Variants in FOXJ3 observed in about 807,000 individuals in gnomAD.
FOXJ3 encodes forkhead box protein J3.
FOXJ3 carries 22 observed loss-of-function variants against 76.1 expected under a neutral mutation model. The ratio of observed to expected loss-of-function variants is 0.29; its 90% CI spans 0.21 to 0.41. The LOEUF is 0.41. FOXJ3 is among the 10% of genes least tolerant of loss of function. The pLI is 1.00. For synonymous variants in FOXJ3, 269 were observed against 261.2 expected (o/e 1.03, Z -0.29); for missense variants, 613 against 762.1 (o/e 0.80, Z 2.30).
At chr1:42,220,254 G>A (rs530700306) in intron 5 of FOXJ3, among the ~76,000 whole-genome samples, 9 of 152,192 alleles carry the variant, frequency 5.9e-5, no homozygotes, top group African/African-American at 9.6e-5. Flanking sequence ...TCAATTACAC[G>A]AAACAATACA....
intron 1 of FOXJ3, among the ~76,000 whole-genome samples, chr1:42,333,934 AACAC>A (rs1656308762): frequency 6.6e-6 from 1 of 152,182 alleles, no homozygotes; most frequent in African/African-American, 2.4e-5. Flanking sequence ...GAAGGAAGAA[AACAC>A]ACACAAATAA....
intron 2 of FOXJ3, among the ~76,000 whole-genome samples, chr1:42,303,077 C>T (rs1220357051): frequency 6.6e-6 from 1 of 151,860 alleles, no homozygotes; most frequent in Non-Finnish European, 1.5e-5. Context: ...TTATAGTACC[C>T]TCAATTAAGA....
chr1:42,276,363 A>G (rs945652209), intron 3 of FOXJ3, among the ~76,000 whole-genome samples: 3 of 152,086 alleles, frequency 2.0e-5, no homozygotes, highest in South Asian at 2.1e-4. Flanking sequence ...CTTAAAAAAA[A>G]GGGGGCGGGG....
intron 7 of FOXJ3, among the ~76,000 whole-genome samples, chr1:42,198,509 C>A (rs890564008): frequency 1.3e-5 from 2 of 152,100 alleles, no homozygotes; most frequent in African/African-American, 2.4e-5. Flanking sequence ...TGAGGAAGAC[C>A]AGTTGCCAGG....
chr1:42,274,887 G>A (rs549750180), intron 3 of FOXJ3, among the ~76,000 whole-genome samples: 17 of 151,318 alleles, frequency 1.1e-4, no homozygotes, highest in African/African-American at 3.1e-4. Flanking sequence ...AAAAGGCGGC[G>A]GGGGGGCAAA....
chr1:42,206,406 C>CT, intron 5 of FOXJ3, among the ~76,000 whole-genome samples: 1 of 152,228 alleles, frequency 6.6e-6, no homozygotes, highest in East Asian at 1.9e-4. Flanking sequence ...GGTGATCTTG[C>CT]TTAACCATAA....
At chr1:42,312,484 G>C (rs1291409161) in intron 1 of FOXJ3, among the ~76,000 whole-genome samples, 3 of 152,254 alleles carry the variant, frequency 2.0e-5, no homozygotes, top group Non-Finnish European at 2.9e-5. Context: ...ATACACTGAA[G>C]AGAGACGCAG....
intron 5 of FOXJ3, among the ~76,000 whole-genome samples, chr1:42,214,669 T>C (rs1647030443): frequency 6.6e-6 from 1 of 152,166 alleles, no homozygotes; most frequent in African/African-American, 2.4e-5. Context: ...TGTGGGTGAA[T>C]TTCCTGTTTT....
chr1:42,197,959 C>CT (rs556505637), intron 7 of FOXJ3, among the ~76,000 whole-genome samples: 20 of 148,842 alleles, frequency 1.3e-4, no homozygotes, highest in East Asian at 5.9e-4. Flanking sequence ...ATTGCTGTAC[C>CT]TTTTTTTTTT....
intron 6 of FOXJ3, among the ~76,000 whole-genome samples, chr1:42,201,873 T>A (rs1364010544): frequency 6.6e-6 from 1 of 152,196 alleles, no homozygotes; most frequent in African/African-American, 2.4e-5. Flanking sequence ...AAATATTTTT[T>A]AATTATGGGT....
chr1:42,282,135 C>G (rs1049055190), intron 2 of FOXJ3, among the ~76,000 whole-genome samples: 2 of 150,690 alleles, frequency 1.3e-5, no homozygotes, highest in Admixed American at 1.3e-4. Flanking sequence ...CACTTGTATA[C>G]GAGAACAGAT....
chr1:42,192,774 A>C (rs12409416), intron 8 of FOXJ3, among the ~76,000 whole-genome samples: 4,638 of 151,996 alleles, frequency 0.031, 85 homozygotes, highest in Middle Eastern at 0.061. Flanking sequence ...AAAAAAAAAA[A>C]CACAAGATAA....
intron 4 of FOXJ3, among the ~76,000 whole-genome samples, chr1:42,241,322 T>C (rs1338815091): frequency 6.6e-6 from 1 of 152,158 alleles, no homozygotes; most frequent in Non-Finnish European, 1.5e-5. Context: ...AGCATACTTG[T>C]ACACGCCTTG....
intron 4 of FOXJ3, among the ~76,000 whole-genome samples, chr1:42,242,561 A>G (rs1174728976): frequency 1.0e-5 from 1 of 98,392 alleles, no homozygotes; most frequent in Non-Finnish European, 2.3e-5. Context: ...ATAACTCAAT[A>G]AGACCAAAAA....
chr1:42,240,136 A>T (rs987400768), intron 4 of FOXJ3, among the ~76,000 whole-genome samples: 2 of 152,174 alleles, frequency 1.3e-5, no homozygotes, highest in African/African-American at 4.8e-5. Flanking sequence ...TTTGATATAT[A>T]TTTTGCTTAA....
intron 4 of FOXJ3, among the ~76,000 whole-genome samples, chr1:42,237,427 T>TATATATATATATATAC (rs1166082659): frequency 1.1e-3 from 147 of 129,906 alleles, no homozygotes; most frequent in Middle Eastern, 4.0e-3. Context: ...TATATATATA[T>TATATATATATATATAC]ACATACATAC....
intron 1 of FOXJ3, among the ~76,000 whole-genome samples, chr1:42,334,628 C>T (rs1656359528): frequency 6.6e-6 from 1 of 152,242 alleles, no homozygotes; most frequent in South Asian, 2.1e-4. Context: ...GGCAGAAAAG[C>T]GCCCCCAAGC....
intron 2 of FOXJ3, among the ~76,000 whole-genome samples, chr1:42,287,160 GA>G (rs1653112155): frequency 6.6e-6 from 1 of 151,550 alleles, no homozygotes; most frequent in Non-Finnish European, 1.5e-5. Context: ...CCAACATGGT[GA>G]AACCCGATCT....
chr1:42,289,224 T>G (rs562894019), intron 2 of FOXJ3, among the ~76,000 whole-genome samples: 1 of 151,560 alleles, frequency 6.6e-6, no homozygotes, highest in Admixed American at 6.6e-5. Context: ...TTTCTTAATA[T>G]ATATAATTAT....
Sources: allele counts gnomAD v4.1 joint callset (sites outside exome capture counted in the v4.1 genomes callset), GRCh38; gene constraint gnomAD v4.1.1; transcripts MANE v1.5; gene names NCBI Gene and HGNC (gene_info 2026-07-23, HGNC 2026-07-21).